SV2B: variants seen among roughly 807,000 people sequenced by gnomAD.
SV2B encodes the protein solute carrier family 22 member B2.
Under a neutral mutation model 73.9 loss-of-function variants are expected in SV2B, and 41 were observed. That is an observed-to-expected ratio of 0.56 (90% CI 0.43 to 0.72). The LOEUF is 0.72. SV2B is among the 30% of genes least tolerant of loss of function. The probability of loss-of-function intolerance (pLI) is 0.00; values close to 1 mark genes in which losing one functional copy is unlikely to be tolerated. For missense variants in SV2B, 764 were observed against 857.8 expected (o/e 0.89, Z 1.37); for synonymous variants, 314 against 314.2 (o/e 1.00, Z 0.01).
Position 91,121,989 on chromosome 15 carries a change from T to G in SV2B, c.-392+21626T>G, listed in dbSNP as rs189027576. On this transcript the variant is annotated intron_variant, in intron 1 of 12. Coordinates refer to ENST00000394232, the MANE Select transcript of SV2B (RefSeq NM_001323032.3). The surrounding 1 kb of genome is among the most constrained non-coding windows in gnomAD (Gnocchi z 4.4). Reference sequence around the variant, plus strand: ...CGGGGTTTCACCATGTTAGCCAGGATGGTCTCGATCTCCTGACTTCATGAT... The same window carrying G: ...CGGGGTTTCACCATGTTAGCCAGGAGGGTCTCGATCTCCTGACTTCATGAT... Among the ~76,000 whole-genome samples, 233 of 152,242 alleles carry G rather than the reference T, an allele frequency of 1.5e-3. 3 individuals are homozygous for G. Among genetic ancestry groups the G allele is most frequent in the Admixed American group, 0.012 (186 of 15,280 alleles).
rs999061629 is a variant in SV2B at position 91,224,455 on chromosome 15, G to C, written c.-391-1418G>C. 1.3e-5 allele frequency among the ~76,000 whole-genome samples: 2 copies of C among 152,204 alleles called. No individual in the cohort carries two copies. Among genetic ancestry groups the C allele is most frequent in the Non-Finnish European group, 2.9e-5 (2 of 68,026 alleles). On this transcript the variant is annotated intron_variant, in intron 1 of 12. Coordinates refer to ENST00000394232, the MANE Select transcript of SV2B (RefSeq NM_001323032.3). The surrounding 1 kb of genome is among the most constrained non-coding windows in gnomAD (Gnocchi z 4.9). ...CTAGCCCTGAGGGGCTACTCAGTGA[G>C]GCGGGGCCTCAGAGCCACTTGGAGA...
chr15:91,171,184 T>G (rs1421641589), intron 1 of SV2B, among the ~76,000 whole-genome samples: 1 of 152,118 alleles, frequency 6.6e-6, no homozygotes, highest in Non-Finnish European at 1.5e-5. Context: ...GGTGTCGGGG[T>G]CCCTGGAACT....
intron 1 of SV2B, among the ~76,000 whole-genome samples, chr15:91,225,141 TCACATGGA>T: frequency 6.6e-6 from 1 of 152,350 alleles, no homozygotes; most frequent in East Asian, 1.9e-4. Context: ...GCGTGTATGG[TCACATGGA>T]CCATTGTGCA....
chr15:91,226,650 G>T lies in SV2B; in HGVS notation c.387G>T (p.Val129=). 1 of 1,613,986 alleles carries T rather than the reference G, an allele frequency of 6.2e-7. No individual in the cohort carries two copies. The highest frequency in any genetic ancestry group is 8.5e-7 in the Non-Finnish European group (1 of 1,180,016). ...LMADGVEVFV[V]SFALPSAEKD... is the part of the protein sequence containing the mutation. ...CCGATGGGGTGGAAGTGTTCGTGGT[G>T]AGTTTTGCCCTGCCCAGTGCAGAGA... Residue 129 remains valine, a synonymous_variant, in exon 2 of 13, where the codon GTG becomes GTT. Coordinates refer to ENST00000394232, the MANE Select transcript of SV2B (RefSeq NM_001323032.3).
At chr15:91,114,845 G>C (rs1031312843) in intron 1 of SV2B, among the ~76,000 whole-genome samples, 1 of 152,178 alleles carries the variant, frequency 6.6e-6, no homozygotes. Flanking sequence ...TTCCCACTCT[G>C]TCTGTCAAAA....
In SV2B at chr15:91,258,048, G is replaced by T. The variant is rs138696570; in HGVS notation, c.785-373G>T. 6.6e-6 allele frequency among the ~76,000 whole-genome samples: 1 copy of T among 152,264 alleles called. No individual in the cohort carries two copies. The highest frequency in any genetic ancestry group is 1.5e-5 in the Non-Finnish European group (1 of 68,024). On this transcript the variant is annotated intron_variant, in intron 4 of 12. Coordinates refer to ENST00000394232, the MANE Select transcript of SV2B (RefSeq NM_001323032.3). This position sits in a 1 kb window ranked among gnomAD's most constrained non-coding sequence, Gnocchi z 4.7. Reference sequence around the variant, plus strand: ...TAGAATATGTTTCCTTTAACAATCTGCCATCTTAAAATATAATGATTCTGT... The same window carrying T: ...TAGAATATGTTTCCTTTAACAATCTTCCATCTTAAAATATAATGATTCTGT...
At chr15:91,273,509 G>A (rs886293267) in intron 9 of SV2B, among the ~76,000 whole-genome samples, 6 of 152,128 alleles carry the variant, frequency 3.9e-5, no homozygotes, top group Non-Finnish European at 5.9e-5. Context: ...TGTCAAACAT[G>A]TGCACATGTT....
chr15:91,290,069 C>T lies in SV2B; in HGVS notation c.1868+389C>T, dbSNP rs1442122834. On this transcript the variant is annotated intron_variant, in intron 12 of 12. Transcript: ENST00000394232. The surrounding 1 kb of genome is among the most constrained non-coding windows in gnomAD (Gnocchi z 4.7). ...TGGGGGCAAGGAGAGAAATAAAGGTCGGGAGGCAGCATGAAGTCCAGGGAA... is the reference window on the plus strand; with the variant it reads ...TGGGGGCAAGGAGAGAAATAAAGGTTGGGAGGCAGCATGAAGTCCAGGGAA... 4.6e-5 allele frequency among the ~76,000 whole-genome samples: 7 copies of T among 152,156 alleles called. No homozygotes were observed. The highest frequency in any genetic ancestry group is 3.4e-3 in the Middle Eastern group (1 of 294).
In SV2B at chr15:91,293,575, C is replaced by T. The variant is rs1490312861; in HGVS notation, c.*1023C>T. On this transcript the variant is annotated 3_prime_UTR_variant, in exon 13 of 13. Transcript: ENST00000394232. Reference sequence around the variant, plus strand: ...TGCTGGCATTTTACTTTGCCACTACCCAAAAACAATGTGAGATGTGTTCAG... The same window carrying T: ...TGCTGGCATTTTACTTTGCCACTACTCAAAAACAATGTGAGATGTGTTCAG... The T allele has an allele frequency of 6.6e-6, 1 of 152,154 alleles. No homozygotes were observed. Among genetic ancestry groups the T allele is most frequent in the Non-Finnish European group, 1.5e-5 (1 of 68,036 alleles). 9.4% of individuals were successfully genotyped at this position (152,154 alleles called of 1,614,324 possible). A position where few individuals can be genotyped will look rare whatever the true frequency, so the allele number is the denominator to read the frequency against.
intron 1 of SV2B, among the ~76,000 whole-genome samples, chr15:91,203,522 C>T (rs942028245): frequency 7.9e-5 from 12 of 152,182 alleles, no homozygotes; most frequent in African/African-American, 2.7e-4. Flanking sequence ...TGATGAAATG[C>T]CTTTATATCT....
chr15:91,216,553 A>T (rs1338234855), intron 1 of SV2B, among the ~76,000 whole-genome samples: 1 of 148,776 alleles, frequency 6.7e-6, no homozygotes, highest in Non-Finnish European at 1.5e-5. Context: ...GCTCGTGGCA[A>T]CCTCCACCTC....
Position 91,265,070 on chromosome 15 carries a change from C to CTGT in SV2B, c.1009-1511_1009-1509dup, listed in dbSNP as rs1243343594. On this transcript the variant is annotated intron_variant, in intron 6 of 12. Coordinates refer to ENST00000394232, the MANE Select transcript of SV2B (RefSeq NM_001323032.3). This position sits in a 1 kb window ranked among gnomAD's most constrained non-coding sequence, Gnocchi z 4.2. ...TGGTAACTGACCTTAGAGAGCCAGCCTGTGGTTGGCGGTCAGGGGCGGGTA... is the reference window on the plus strand; with the variant it reads ...TGGTAACTGACCTTAGAGAGCCAGCCTGTTGTGGTTGGCGGTCAGGGGCGGGTA... Among the ~76,000 whole-genome samples the CTGT allele has an allele frequency of 6.6e-6, 1 of 152,154 alleles. No individual in the cohort carries two copies. The highest frequency in any genetic ancestry group is 1.5e-5 in the Non-Finnish European group (1 of 68,028).
chr15:91,198,268 A>G (rs1439295210), intron 1 of SV2B, among the ~76,000 whole-genome samples: 2 of 152,170 alleles, frequency 1.3e-5, no homozygotes, highest in Admixed American at 6.5e-5. Context: ...CATTATGTCA[A>G]TCACTTTCTC....
At chr15:91,218,924 A>G (rs940087977) in intron 1 of SV2B, among the ~76,000 whole-genome samples, 2 of 151,796 alleles carry the variant, frequency 1.3e-5, no homozygotes, top group Non-Finnish European at 2.9e-5. Context: ...GAGTTGCTAT[A>G]TTTTGGGCTT....
At chr15:91,175,797 T>A (rs1242003879) in intron 1 of SV2B, among the ~76,000 whole-genome samples, 1 of 151,776 alleles carries the variant, frequency 6.6e-6, no homozygotes. Context: ...CAGTTTGAAC[T>A]AAAATCTTTC....
chr15:91,258,488 T>C lies in SV2B; in HGVS notation c.852T>C (p.Ala284=). Residue 284 remains alanine (A), a synonymous_variant, in exon 5 of 13, where the codon GCT becomes GCC. Coordinates refer to ENST00000394232, the MANE Select transcript of SV2B (RefSeq NM_001323032.3). This position sits in a 1 kb window ranked among gnomAD's most constrained non-coding sequence, Gnocchi z 4.7. ...GGAGAGTGTTTGTCATCGTCTGTGCTCTGCCCTGCACCGTGTCCATGGTGG... is the reference window on the plus strand; with the variant it reads ...GGAGAGTGTTTGTCATCGTCTGTGCCCTGCCCTGCACCGTGTCCATGGTGG... ...HSWRVFVIVC[A]LPCTVSMVAL... 1 of 1,614,144 alleles carries C rather than the reference T, an allele frequency of 6.2e-7. No homozygotes were observed. The highest frequency in any genetic ancestry group is 8.5e-7 in the Non-Finnish European group (1 of 1,179,988).
chr15:91,276,091 T>G (rs1167887270), intron 9 of SV2B, among the ~76,000 whole-genome samples: 2 of 151,880 alleles, frequency 1.3e-5, no homozygotes, highest in Non-Finnish European at 2.9e-5. Context: ...AGTTAGAAAT[T>G]TAAAGCTTTC....
At chr15:91,202,435 C>T (rs2045492331) in intron 1 of SV2B, among the ~76,000 whole-genome samples, 1 of 152,236 alleles carries the variant, frequency 6.6e-6, no homozygotes, top group Non-Finnish European at 1.5e-5. Context: ...TATTTACCAA[C>T]ATTGTGTCTT....
At chr15:91,202,250 A>G (rs952199065) in intron 1 of SV2B, among the ~76,000 whole-genome samples, 3 of 152,138 alleles carry the variant, frequency 2.0e-5, no homozygotes, top group Non-Finnish European at 2.9e-5. Flanking sequence ...CCCTCTCTCC[A>G]CTAGAAGGTT....
Sources: gnomAD v4.1 joint callset for allele counts (sites outside exome capture counted in the v4.1 genomes callset) on GRCh38, gnomAD v4.1.1 for gene constraint, Gnocchi (gnomAD v3.1) non-coding constraint, MANE v1.5 for transcripts, NCBI Gene and HGNC (gene_info 2026-07-23, HGNC 2026-07-21) for gene names.